Variants in EFNB2 observed in about 807,000 individuals in gnomAD.
EFNB2 encodes ephrin B2, also known as ephrin-B2.
EFNB2 carries 5 observed loss-of-function variants against 32.1 expected under a neutral mutation model. The ratio of observed to expected loss-of-function variants is 0.16; its 90% CI spans 0.08 to 0.33. EFNB2 has a LOEUF of 0.33. Ranked by LOEUF, EFNB2 falls within the 10% of genes least tolerant of loss-of-function variation. EFNB2 has a pLI of 1.00. For missense variants in EFNB2, 263 were observed against 422.6 expected (o/e 0.62, Z 3.31); for synonymous variants, 168 against 166.5 (o/e 1.01, Z -0.07).
In EFNB2 at chr13:106,493,014, A is replaced by G; in HGVS notation, c.*26T>C. The G allele has an allele frequency of 6.3e-7, 1 of 1,579,612 alleles. No individual in the cohort carries two copies. The highest frequency in any genetic ancestry group is 8.6e-7 in the Non-Finnish European group (1 of 1,160,594). ...TCGGGACATTAGGTGTCCTCTGGGA[A>G]AGCACAGGTACCACCAGGGTCCCTC... On this transcript the variant is annotated 3_prime_UTR_variant, in exon 5 of 5. Transcript: ENST00000646441. The surrounding 1 kb of genome is among the most constrained non-coding windows in gnomAD (Gnocchi z 6.1).
At position 106,509,149 on chromosome 13, in the gene EFNB2, T is replaced by C. The variant is rs373190275; in HGVS notation, c.406+3380A>G. On this transcript the variant is annotated intron_variant, in intron 2 of 4. Transcript: ENST00000646441. ...TAAATTAAAGTTCAAAGAAATAAAA[T>C]TGACTTTCTCATTAAGCTTAGGAAG... Among the ~76,000 whole-genome samples, 8 of 152,288 alleles carry C rather than the reference T, an allele frequency of 5.3e-5. No homozygotes were observed. The South Asian group carries it at 8.3e-4, about 16-fold the overall frequency.
At chr13:106,522,976 A>T (rs1879575429) in intron 1 of EFNB2, among the ~76,000 whole-genome samples, 1 of 152,198 alleles carries the variant, frequency 6.6e-6, no homozygotes. Context: ...GCTATAAGAG[A>T]TTCACCTTGC....
At chr13:106,524,088 A>G (rs1785759130) in intron 1 of EFNB2, among the ~76,000 whole-genome samples, 1 of 152,214 alleles carries the variant, frequency 6.6e-6, no homozygotes, top group South Asian at 2.1e-4. Context: ...TGGGCTGATC[A>G]TTATTCTGTT....
chr13:106,534,774 C>T, intron 1 of EFNB2, 69 bp downstream of exon 1: 2 of 1,522,532 alleles, frequency 1.3e-6, no homozygotes, highest in South Asian at 1.2e-5. Flanking sequence ...CGGACTGACC[C>T]CTCCTCCCGC....
At chr13:106,512,430 A>G in intron 2 of EFNB2, 99 bp downstream of exon 2, 1 of 896,458 alleles carries the variant, frequency 1.1e-6, no homozygotes, top group South Asian at 4.4e-5. Context: ...ATTTTCATCA[A>G]ATTATTTGTC....
intron 1 of EFNB2, chr13:106,520,428 T>A (rs1257928713): frequency 6.6e-6 from 1 of 152,202 alleles, no homozygotes; most frequent in African/African-American, 2.4e-5. Context: ...CCTTGACCCT[T>A]CACCCCACCA....
At chr13:106,497,374 T>C (rs1422281916) in intron 2 of EFNB2, among the ~76,000 whole-genome samples, 1 of 152,034 alleles carries the variant, frequency 6.6e-6, no homozygotes, top group East Asian at 1.9e-4. Flanking sequence ...ATAATAATAC[T>C]TGTCTTGGAA....
chr13:106,494,098 G>A (rs1202962948), intron 4 of EFNB2, among the ~76,000 whole-genome samples: 1 of 152,208 alleles, frequency 6.6e-6, no homozygotes, highest in East Asian at 1.9e-4. Context: ...TTTGTCACAA[G>A]AATTTGACAC....
intron 3 of EFNB2, 68 bp downstream of exon 3, chr13:106,495,680 T>A: frequency 2.7e-6 from 4 of 1,488,440 alleles, no homozygotes; most frequent in Non-Finnish European, 3.7e-6. Flanking sequence ...ATCGGCAACA[T>A]TAGCACCATA....
At chr13:106,530,456 A>C (rs1433732095) in intron 1 of EFNB2, among the ~76,000 whole-genome samples, 1 of 152,212 alleles carries the variant, frequency 6.6e-6, no homozygotes, top group Non-Finnish European at 1.5e-5. Flanking sequence ...AGTGACCTGA[A>C]AAACAGGTTC....
intron 1 of EFNB2, chr13:106,519,813 ATTTT>A (rs548463221): frequency 1.3e-5 from 2 of 152,150 alleles, no homozygotes; most frequent in Admixed American, 1.3e-4. Context: ...TTAAAACATT[ATTTT>A]TTTAATGTAG....
chr13:106,497,705 G>A (rs950507482), intron 2 of EFNB2, among the ~76,000 whole-genome samples: 7 of 151,766 alleles, frequency 4.6e-5, no homozygotes, highest in Non-Finnish European at 8.8e-5. Flanking sequence ...CCCACCTCAC[G>A]ACAGGCCCCG....
chr13:106,496,650 C>T (rs965014363), intron 2 of EFNB2, among the ~76,000 whole-genome samples: 1 of 152,164 alleles, frequency 6.6e-6, no homozygotes, highest in African/African-American at 2.4e-5. Context: ...TCCACCTCAG[C>T]AGTGAGGAGT....
intron 1 of EFNB2, among the ~76,000 whole-genome samples, chr13:106,514,722 T>C (rs1879257948): frequency 6.6e-6 from 1 of 152,196 alleles, no homozygotes; most frequent in African/African-American, 2.4e-5. Context: ...CCAAACCTTT[T>C]CTATCCTTAA....
At chr13:106,496,089 C>T (rs1437468180) in intron 2 of EFNB2, among the ~76,000 whole-genome samples, 1 of 152,194 alleles carries the variant, frequency 6.6e-6, no homozygotes, top group South Asian at 2.1e-4. Flanking sequence ...TAGGCACTTT[C>T]TCCTTCCTTC....
At chr13:106,534,214 G>A (rs1879978095) in intron 1 of EFNB2, among the ~76,000 whole-genome samples, 1 of 152,146 alleles carries the variant, frequency 6.6e-6, no homozygotes, top group East Asian at 1.9e-4. Context: ...CCTAAGGCCC[G>A]TCTCCCCGGC....
At chr13:106,497,141 G>A (rs971481662) in intron 2 of EFNB2, among the ~76,000 whole-genome samples, 12 of 152,102 alleles carry the variant, frequency 7.9e-5, no homozygotes, top group African/African-American at 2.7e-4. Flanking sequence ...GCATTCCACT[G>A]AAATTATATT....
chr13:106,500,631 C>G (rs557854326), intron 2 of EFNB2, among the ~76,000 whole-genome samples: 3 of 152,258 alleles, frequency 2.0e-5, no homozygotes, highest in African/African-American at 7.2e-5. Flanking sequence ...CATACAGCTG[C>G]ACTGGACACA....
chr13:106,518,719 G>C lies in EFNB2; in HGVS notation c.123-5907C>G, dbSNP rs1423511938. On this transcript the variant is annotated intron_variant, in intron 1 of 4. Coordinates refer to ENST00000646441, the MANE Select transcript of EFNB2 (RefSeq NM_004093.4). The surrounding 1 kb of genome is among the most constrained non-coding windows in gnomAD (Gnocchi z 4.1). Reference sequence around the variant, plus strand: ...AGCCAGCAGTGGAGAAGTTTATGGAGAGCTGTGTAGTGAACCCGAAATTGC... The same window carrying C: ...AGCCAGCAGTGGAGAAGTTTATGGACAGCTGTGTAGTGAACCCGAAATTGC... 6.6e-6 allele frequency: 1 copy of C among 152,158 alleles called. No homozygotes were observed. The highest frequency in any genetic ancestry group is 2.4e-5 in the African/African-American group (1 of 41,414). 9.4% of individuals were successfully genotyped at this position (152,158 alleles called of 1,614,324 possible).
Sources: gnomAD v4.1 joint callset for allele counts (sites outside exome capture counted in the v4.1 genomes callset) on GRCh38, gnomAD v4.1.1 for gene constraint, Gnocchi (gnomAD v3.1) non-coding constraint, MANE v1.5 for transcripts, NCBI Gene and HGNC (gene_info 2026-07-23, HGNC 2026-07-21) for gene names.